Variants in EPCIP observed in about 807,000 individuals in gnomAD.
EPCIP encodes exosomal polycystin-1-interacting protein.
chr21:32,811,545 C>T, the EPCIP span, among the ~76,000 whole-genome samples: 2 of 152,216 alleles, frequency 1.3e-5, no homozygotes, highest in Non-Finnish European at 2.9e-5. Context: ...GCCAACTATA[C>T]TCTGAAGAGT....
At chr21:32,794,502 A>T in the EPCIP span, 1 of 1,319,938 alleles carries the variant, frequency 7.6e-7, no homozygotes. Flanking sequence ...GAAAAGAGGC[A>T]GCTTTATCAC....
chr21:32,793,831 A>T, the EPCIP span: 11 of 1,614,096 alleles, frequency 6.8e-6, no homozygotes, highest in Admixed American at 1.7e-5. Context: ...AAGAAAAGTC[A>T]GGAAAGTTGT....
chr21:32,807,969 C>T, the EPCIP span, among the ~76,000 whole-genome samples: 1 of 152,194 alleles, frequency 6.6e-6, no homozygotes, highest in African/African-American at 2.4e-5. Flanking sequence ...GAATGGAGAC[C>T]GTGAGTCCCA....
the EPCIP span, among the ~76,000 whole-genome samples, chr21:32,799,464 G>C: frequency 6.6e-6 from 1 of 152,118 alleles, no homozygotes; most frequent in East Asian, 1.9e-4. Context: ...CCAAGTCCTG[G>C]CTTCACAGTG....
the EPCIP span, chr21:32,796,889 T>C: frequency 4.5e-6 from 2 of 449,126 alleles, no homozygotes; most frequent in African/African-American, 4.1e-5. Context: ...GGGAGAGGTC[T>C]ATTCATCAGC....
chr21:32,803,831 G>C, the EPCIP span, among the ~76,000 whole-genome samples: 1 of 151,990 alleles, frequency 6.6e-6, no homozygotes, highest in Non-Finnish European at 1.5e-5. Context: ...ATTTTCACAG[G>C]CCCTTGCAAG....
chr21:32,801,175 T>C, the EPCIP span, among the ~76,000 whole-genome samples: 1 of 152,162 alleles, frequency 6.6e-6, no homozygotes, highest in Non-Finnish European at 1.5e-5. Context: ...CACACCCCTC[T>C]TCCCCCTTAA....
chr21:32,796,014 C>CTCCTTCCCTCCT, the EPCIP span, among the ~76,000 whole-genome samples: 19 of 146,058 alleles, frequency 1.3e-4, no homozygotes, highest in Admixed American at 2.8e-4. Context: ...CTTTCCTTCC[C>CTCCTTCCCTCCT]TCCTTCCCTC....
chr21:32,798,422 GA>G, the EPCIP span: 1 of 152,330 alleles, frequency 6.6e-6, no homozygotes, highest in Non-Finnish European at 1.5e-5. Flanking sequence ...CTGACAGAGG[GA>G]GGGATGATAT....
At chr21:32,810,785 C>T in the EPCIP span, 1 of 405,302 alleles carries the variant, frequency 2.5e-6, no homozygotes, top group East Asian at 7.3e-5. Context: ...ACATCTCCAA[C>T]TTAACATGCC....
At chr21:32,793,687 G>A in the EPCIP span, 1 of 1,375,520 alleles carries the variant, frequency 7.3e-7, no homozygotes, top group African/African-American at 1.4e-5. Flanking sequence ...CTATCTCACG[G>A]CCTTATTTCC....
the EPCIP span, chr21:32,794,445 G>A: frequency 6.3e-7 from 1 of 1,595,100 alleles, no homozygotes. Context: ...GGGCCAGCGT[G>A]TTTATCCCCC....
At chr21:32,805,702 A>G in the EPCIP span, among the ~76,000 whole-genome samples, 1 of 152,176 alleles carries the variant, frequency 6.6e-6, no homozygotes, top group Admixed American at 6.5e-5. Context: ...GGAAATGAAT[A>G]CAGAGACGGT....
chr21:32,801,686 C>CA, the EPCIP span, among the ~76,000 whole-genome samples: 3 of 151,894 alleles, frequency 2.0e-5, no homozygotes, highest in African/African-American at 7.3e-5. Flanking sequence ...ACTGAAAATA[C>CA]AAAAAAATTA....
At chr21:32,805,311 G>T in the EPCIP span, among the ~76,000 whole-genome samples, 1 of 151,650 alleles carries the variant, frequency 6.6e-6, no homozygotes, top group South Asian at 2.1e-4. Flanking sequence ...CTCCAGAAGT[G>T]TAAAATAATA....
chr21:32,792,527 G>C, the EPCIP span, among the ~76,000 whole-genome samples: 1 of 152,078 alleles, frequency 6.6e-6, no homozygotes, highest in Non-Finnish European at 1.5e-5. Flanking sequence ...TGGAGCAAGA[G>C]GAAAAGGAGT....
At chr21:32,796,977 G>A in the EPCIP span, 103 of 463,518 alleles carry the variant, frequency 2.2e-4, no homozygotes, top group Non-Finnish European at 4.4e-4. Context: ...AAGAGGAAAA[G>A]AGATCAGAAG....
At chr21:32,812,901 ATTAT>A in the EPCIP span, among the ~76,000 whole-genome samples, 1 of 152,148 alleles carries the variant, frequency 6.6e-6, no homozygotes, top group African/African-American at 2.4e-5. Flanking sequence ...CTTTTGCTAC[ATTAT>A]TTATCATGCT....
the EPCIP span, among the ~76,000 whole-genome samples, chr21:32,809,904 TA>T: frequency 8.2e-4 from 121 of 148,120 alleles, no homozygotes; most frequent in East Asian, 1.6e-3. Flanking sequence ...TAAGATAAAT[TA>T]AAAAAAAAAA....
Sources: gnomAD v4.1 joint callset for allele counts (sites outside exome capture counted in the v4.1 genomes callset) on GRCh38, gnomAD v4.1.1 for gene constraint, MANE v1.5 for transcripts, NCBI Gene and HGNC (gene_info 2026-07-23, HGNC 2026-07-21) for gene names.